Variants in FANK1 observed in about 807,000 individuals in gnomAD.
The protein encoded by FANK1 is fibronectin type 3 and ankyrin repeat domains protein 1.
In FANK1, 44 loss-of-function variants were observed where a neutral mutation model predicts 45.3. The ratio of observed to expected loss-of-function variants is 0.97; its 90% CI spans 0.76 to 1.25. The LOEUF (loss-of-function observed/expected upper bound fraction) is 1.25. Among genes scored for constraint, FANK1 ranks in the 50% most tolerant of loss-of-function variants. FANK1 has a pLI of 0.00. For synonymous variants in FANK1, 149 were observed against 152.5 expected, an observed-to-expected ratio of 0.98 and a Z score of 0.17; for missense variants, 391 against 424.4, an observed-to-expected ratio of 0.92 and a Z score of 0.69.
At chr10:126,004,686 C>A in intron 6 of FANK1, 198 bp from the exon 7 acceptor site, 1 of 558,946 alleles carries the variant, frequency 1.8e-6, no homozygotes. Flanking sequence ...TGTAGCACTT[C>A]ATTTCTAATA....
chr10:125,912,815 A>T (rs937959359), intron 1 of FANK1, among the ~76,000 whole-genome samples: 2 of 152,092 alleles, frequency 1.3e-5, no homozygotes, highest in Non-Finnish European at 2.9e-5. Context: ...TTGTGTTTTT[A>T]GTGGAGACGG....
At chr10:125,965,421 A>G (rs1335390470) in intron 1 of FANK1, among the ~76,000 whole-genome samples, 2 of 152,250 alleles carry the variant, frequency 1.3e-5, no homozygotes, top group Non-Finnish European at 1.5e-5. Flanking sequence ...AAGAATATAT[A>G]TATAACAATT....
rs547115418 is a variant in FANK1 at position 125,964,184 on chromosome 10, C to G, written c.14-15977C>G. 3.6e-5 allele frequency among the ~76,000 whole-genome samples: 5 copies of G among 138,992 alleles called. No individual in the cohort carries two copies. In the East Asian group the frequency reaches 1.1e-3, roughly 30 times the overall value. 91.2% of individuals were successfully genotyped at this position (138,992 alleles called of 152,430 possible). A position where few individuals can be genotyped will look rare whatever the true frequency, so the allele number is the denominator to read the frequency against. Reference sequence around the variant, plus strand: ...TTATGTAGATTATATCATTCTCTCTCTCTTTTTTTTTTTTTTTTTTTTTTT... The same window carrying G: ...TTATGTAGATTATATCATTCTCTCTGTCTTTTTTTTTTTTTTTTTTTTTTT... On this transcript the variant is annotated intron_variant, in intron 1 of 10. Transcript: ENST00000368693.
chr10:125,964,236 G>A (rs555125965), intron 1 of FANK1, among the ~76,000 whole-genome samples: 143 of 131,576 alleles, frequency 1.1e-3, no homozygotes, highest in African/African-American at 3.9e-3. Context: ...TCCGTCACCC[G>A]GGCTGGAGTT....
chr10:125,899,154 G>A (rs113498533), intron 1 of FANK1, among the ~76,000 whole-genome samples: 146 of 79,562 alleles, frequency 1.8e-3, no homozygotes, highest in African/African-American at 7.2e-3. Context: ...TCCGCCTCCC[G>A]GGTTCAAGTA....
chr10:125,928,718 G>A (rs1038398658), intron 1 of FANK1, among the ~76,000 whole-genome samples: 5 of 152,146 alleles, frequency 3.3e-5, no homozygotes, highest in Admixed American at 2.0e-4. Context: ...GTAGGGAAGG[G>A]CATCTTCTCA....
chr10:125,952,914 G>T (rs1348160454), intron 1 of FANK1, among the ~76,000 whole-genome samples: 2 of 151,704 alleles, frequency 1.3e-5, no homozygotes, highest in Non-Finnish European at 2.9e-5. Flanking sequence ...TGGCAGCTCT[G>T]GGGGAGTTAA....
At chr10:125,900,839 A>G (rs1176138329) in intron 1 of FANK1, among the ~76,000 whole-genome samples, 3 of 152,068 alleles carry the variant, frequency 2.0e-5, no homozygotes, top group South Asian at 2.1e-4. Flanking sequence ...TTATAGAGAC[A>G]GGGTTTCACC....
intron 1 of FANK1, among the ~76,000 whole-genome samples, chr10:125,930,343 C>G (rs899783347): frequency 6.7e-6 from 1 of 149,910 alleles, no homozygotes; most frequent in Non-Finnish European, 1.5e-5. Context: ...CTAAAATGAC[C>G]ATCTTTTCTT....
At chr10:125,912,530 A>C (rs539419828) in intron 1 of FANK1, among the ~76,000 whole-genome samples, 2 of 151,942 alleles carry the variant, frequency 1.3e-5, no homozygotes, top group Admixed American at 6.6e-5. Flanking sequence ...CTCTCTTAAA[A>C]ATGTCAGCAA....
At chr10:125,986,966 G>C (rs1459919887) in intron 2 of FANK1, among the ~76,000 whole-genome samples, 1 of 152,204 alleles carries the variant, frequency 6.6e-6, no homozygotes, top group Non-Finnish European at 1.5e-5. Context: ...TCCAGTGGGG[G>C]CTGGGAGTGA....
chr10:125,943,608 G>T (rs926128960), intron 1 of FANK1, among the ~76,000 whole-genome samples: 11 of 152,128 alleles, frequency 7.2e-5, no homozygotes, highest in African/African-American at 2.7e-4. Flanking sequence ...TTTGTGCAAT[G>T]TTTATTAAAT....
Position 126,009,475 on chromosome 10 carries a change from A to C in FANK1, c.*37A>C. The C allele has an allele frequency of 6.2e-7, 1 of 1,606,832 alleles. No homozygotes were observed. The highest frequency in any genetic ancestry group is 2.2e-5 in the East Asian group (1 of 44,846). On this transcript the variant is annotated 3_prime_UTR_variant, in exon 11 of 11. Coordinates refer to ENST00000368693, the MANE Select transcript of FANK1 (RefSeq NM_145235.5). ...CTCATCTGCGAAACGCACGTAAAAC[A>C]AAGTGAACCGTGACTGTTAAACTAG...
At chr10:126,003,861 A>G (rs1366860714) in intron 6 of FANK1, among the ~76,000 whole-genome samples, 4 of 151,872 alleles carry the variant, frequency 2.6e-5, no homozygotes, top group Admixed American at 2.6e-4. Flanking sequence ...TTTTTAGTAG[A>G]GATGAAGTTT....
At chr10:125,907,995 C>CTTTT (rs56856062) in intron 1 of FANK1, among the ~76,000 whole-genome samples, 2 of 133,978 alleles carry the variant, frequency 1.5e-5, no homozygotes, top group Admixed American at 7.7e-5. Context: ...TTTTTTCTCC[C>CTTTT]TTTTTTTTTT....
intron 1 of FANK1, among the ~76,000 whole-genome samples, chr10:125,941,478 G>A (rs1158564474): frequency 6.6e-6 from 1 of 152,264 alleles, no homozygotes; most frequent in South Asian, 2.1e-4. Context: ...TAATCACTTC[G>A]AGAAACAATT....
intron 2 of FANK1, among the ~76,000 whole-genome samples, chr10:125,986,774 A>G (rs750944768): frequency 3.3e-5 from 5 of 152,116 alleles, no homozygotes; most frequent in Admixed American, 6.5e-5. Flanking sequence ...TTTCTCAGGT[A>G]CCTGTTCCTG....
chr10:125,971,722 C>G (rs558662085), intron 1 of FANK1, among the ~76,000 whole-genome samples: 80 of 152,140 alleles, frequency 5.3e-4, no homozygotes, highest in Non-Finnish European at 8.5e-4. Context: ...CCTGGGTTCA[C>G]GCCATTCTCC....
chr10:126,004,834 G>A (rs1396100367), intron 6 of FANK1, 50 bp from the exon 7 acceptor site: 1 of 1,598,710 alleles, frequency 6.3e-7, no homozygotes, highest in Non-Finnish European at 8.6e-7. Flanking sequence ...GTGGAGCTGA[G>A]TTTGGTGACT....
Sources: allele counts gnomAD v4.1 joint callset (sites outside exome capture counted in the v4.1 genomes callset), GRCh38; gene constraint gnomAD v4.1.1; transcripts MANE v1.5; gene names NCBI Gene and HGNC (gene_info 2026-07-23, HGNC 2026-07-21).